The following CTDSP1 variants were observed in gnomAD, a reference collection of about 807,000 sequenced individuals.
CTDSP1 encodes carboxy-terminal domain RNA polymerase II polypeptide A small phosphatase 1.
CTDSP1 carries 15 observed loss-of-function variants against 32.5 expected under a neutral mutation model. The ratio of observed to expected loss-of-function variants is 0.46; its 90% confidence interval spans 0.31 to 0.71. The LOEUF is 0.71. CTDSP1 is among the 30% of genes least tolerant of loss of function. The pLI, the probability that CTDSP1 is intolerant of heterozygous loss-of-function variation, is 0.05. For missense variants in CTDSP1, 294 were observed against 351.1 expected (o/e 0.84, Z 1.30); for synonymous variants, 185 against 145.4 (o/e 1.27, Z -1.96).
In CTDSP1 at chr2:218,402,435, T is replaced by A. The variant is rs1463280617; in HGVS notation, c.378+30T>A. On this transcript the variant is annotated intron_variant, in intron 4 of 6. Transcript: ENST00000273062. ...GGGCCAGGAAGAGGCAGTGGTGGGCTTGGCATCTGCCTCCAGACCCTAGGC... is the reference window on the plus strand; with the variant it reads ...GGGCCAGGAAGAGGCAGTGGTGGGCATGGCATCTGCCTCCAGACCCTAGGC... The A allele has an allele frequency of 4.4e-6, 7 of 1,593,866 alleles. 1 individual carries two copies. Among genetic ancestry groups the A allele is most frequent in the Admixed American group, 3.4e-5 (2 of 58,906 alleles).
At chr2:218,399,854 T>A, upstream of CTDSP1, 7 of 1,230,534 alleles carry the variant, frequency 5.7e-6, no homozygotes, top group East Asian at 3.3e-5. Flanking sequence ...AAACGGCGCC[T>A]GGGTTCCATG....
chr2:218,401,427 C>A (rs1318490478), intron 1 of CTDSP1, 137 bp from the exon 2 acceptor site: 24 of 964,132 alleles, frequency 2.5e-5, no homozygotes, highest in Non-Finnish European at 3.7e-5. Context: ...CAGAGAAAGT[C>A]AGGAGCTGCC....
chr2:218,402,326 C>A, intron 3 of CTDSP1, 23 bp from the exon 4 acceptor site: 10 of 1,614,032 alleles, frequency 6.2e-6, no homozygotes, highest in Non-Finnish European at 8.5e-6. Context: ...CCTCCAACTC[C>A]AGCAGCTCTT....
In CTDSP1 at chr2:218,401,603, G is replaced by C; in HGVS notation, c.107G>C (p.Arg36Pro). ...KSAASQKPRS[R>P]GILHSLFCCV... ...GCAGCTTCCCAGAAGCCCCGAAGCC[G>C]GGGCATCCTCCACTCACTCTTCTGC... The change falls in exon 2 of 7, where the codon CGG becomes CCG. Residue 36 changes from arginine (R) to proline (P), a missense_variant. Physicochemically the swap from Arg to Pro is moderately radical, Grantham distance 103 (BLOSUM62 -2). Around this residue, in one of 2 missense-constraint regions of CTDSP1, gnomAD observed 148 missense variants for 113.3 expected, o/e 1.31. Transcript: ENST00000273062. The C allele has an allele frequency of 6.2e-7, 1 of 1,613,930 alleles. No individual in the cohort carries two copies. The highest frequency in any genetic ancestry group is 8.5e-7 in the Non-Finnish European group (1 of 1,179,928).
upstream of CTDSP1, among the ~76,000 whole-genome samples, chr2:218,397,672 A>C (rs1574788545): frequency 6.6e-6 from 1 of 152,132 alleles, no homozygotes; most frequent in South Asian, 2.1e-4. Flanking sequence ...CAAAAAATAG[A>C]GTGCATAAAG....
chr2:218,401,443 G>A, intron 1 of CTDSP1, 121 bp from the exon 2 acceptor site: 1 of 1,145,870 alleles, frequency 8.7e-7, no homozygotes, highest in South Asian at 1.5e-5. Flanking sequence ...CTGCCTTCGT[G>A]TGTCTGGATG....
rs754998014 is a variant in CTDSP1 at position 218,403,015 on chromosome 2, CT to C, written c.379-19del. ...CACTGCCCCACTGGCCCGCAGCCCC[CT>C]CACTGGCCCGCCCCCCAGGTCTACG... On this transcript the variant is annotated intron_variant, in intron 4 of 6. Transcript: ENST00000273062. The C allele has an allele frequency of 1.2e-6, 2 of 1,607,240 alleles. No homozygotes were observed. Among genetic ancestry groups the C allele is most frequent in the African/African-American group, 1.3e-5 (1 of 74,988 alleles).
intron 4 of CTDSP1, chr2:218,402,610 G>C (rs1254302959): frequency 5.3e-6 from 4 of 756,520 alleles, no homozygotes; most frequent in Non-Finnish European, 9.8e-6. Flanking sequence ...TCCTCCTCTA[G>C]GCTCCCCCGT....
chr2:218,401,475 C>T (rs951104639), intron 1 of CTDSP1, 89 bp from the exon 2 acceptor site: 9 of 1,474,444 alleles, frequency 6.1e-6, no homozygotes, highest in Non-Finnish European at 8.3e-6. Context: ...GCAAGATCCT[C>T]CTGGCTCAGG....
chr2:218,403,212 G>C lies in CTDSP1; in HGVS notation c.472-20G>C. 3 of 1,611,446 alleles carry C rather than the reference G, an allele frequency of 1.9e-6. No individual in the cohort carries two copies. Among genetic ancestry groups the C allele is most frequent in the South Asian group, 1.1e-5 (1 of 90,922 alleles). ...CCAATGAACCTGCGGGCCCCAGGAT[G>C]ACCCACCTCCTGCTCCCAGTACGCA... On this transcript the variant is annotated intron_variant, in intron 5 of 6. Coordinates refer to ENST00000273062, the MANE Select transcript of CTDSP1 (RefSeq NM_021198.3).
At chr2:218,401,777 G>A in intron 2 of CTDSP1, 65 bp downstream of exon 2, 1 of 1,434,976 alleles carries the variant, frequency 7.0e-7, no homozygotes, top group Non-Finnish European at 9.3e-7. Context: ...TTAGGGGAAG[G>A]GGCTCCTGAC....
intron 6 of CTDSP1, 134 bp from the exon 7 acceptor site, chr2:218,404,162 CA>C: frequency 9.5e-7 from 1 of 1,056,344 alleles, no homozygotes; most frequent in Admixed American, 2.3e-5. Flanking sequence ...GGATTGCTGT[CA>C]AAAAAGTTTG....
At chr2:218,401,198 C>G (rs895255514) in intron 1 of CTDSP1, 4 of 372,786 alleles carry the variant, frequency 1.1e-5, no homozygotes, top group African/African-American at 6.3e-5. Flanking sequence ...CCTGGCTGTC[C>G]TGAGCAGGGG....
Position 218,399,921 on chromosome 2 carries a change from C to T in CTDSP1, c.-170C>T, listed in dbSNP as rs1292308221. On this transcript the variant is annotated 5_prime_UTR_variant, in exon 1 of 7. Transcript: ENST00000273062. ...TGTTGTAACAAAGTTTCCTCCGCGCCCCCTCCCTCCCCCTCCCCCCTAGAA... is the reference window on the plus strand; with the variant it reads ...TGTTGTAACAAAGTTTCCTCCGCGCTCCCTCCCTCCCCCTCCCCCCTAGAA... 7.3e-6 allele frequency: 9 copies of T among 1,234,174 alleles called. No individual in the cohort carries two copies. The highest frequency in any genetic ancestry group is 6.3e-5 in the African/African-American group (4 of 63,058). The allele number at this position is 1,234,174 out of a possible 1,614,324, so 76.5% of individuals were successfully genotyped here. A position where few individuals can be genotyped will look rare whatever the true frequency, so the allele number is the denominator to read the frequency against.
At chr2:218,398,223 C>T (rs1334610712), upstream of CTDSP1, 1 of 591,976 alleles carries the variant, frequency 1.7e-6, no homozygotes, top group Admixed American at 2.8e-5. Context: ...CGCTCCCAGG[C>T]TGGAATCCCG....
rs1697033392 is a variant in CTDSP1, at chr2:218,400,081, G to T, written c.-10G>T. ...CCAGAGTCCGGCCGGAGCGGAGCGCGCCCGGCCCCATGGACAGCTCGGCCG... is the reference window on the plus strand; with the variant it reads ...CCAGAGTCCGGCCGGAGCGGAGCGCTCCCGGCCCCATGGACAGCTCGGCCG... On this transcript the variant is annotated 5_prime_UTR_variant, in exon 1 of 7. Transcript: ENST00000273062. 6.9e-7 allele frequency: 1 copy of T among 1,455,206 alleles called. No individual in the cohort carries two copies. The highest frequency in any genetic ancestry group is 9.1e-7 in the Non-Finnish European group (1 of 1,103,170). The allele number at this position is 1,455,206 out of a possible 1,614,324, so 90.1% of individuals were successfully genotyped here. A position where few individuals can be genotyped will look rare whatever the true frequency, so the allele number is the denominator to read the frequency against.
intron 1 of CTDSP1, chr2:218,400,407 GGGA>G: frequency 2.1e-6 from 1 of 471,540 alleles, no homozygotes; most frequent in Non-Finnish European, 3.6e-6. Flanking sequence ...GGAATAGAGA[GGGA>G]ACTCTTCGGG....
chr2:218,401,316 C>G (rs1388843200), intron 1 of CTDSP1: 2 of 559,692 alleles, frequency 3.6e-6, no homozygotes, highest in Non-Finnish European at 6.4e-6. Context: ...CTTCTCCAGG[C>G]CACGCACTCC....
chr2:218,398,158 G>A (rs1229241180), upstream of CTDSP1: 23 of 528,614 alleles, frequency 4.4e-5, no homozygotes, highest in South Asian at 4.5e-4. Context: ...CCCGCATCCG[G>A]AGATAAAGCC....
Sources: allele counts gnomAD v4.1 joint callset (sites outside exome capture counted in the v4.1 genomes callset), GRCh38; gene constraint gnomAD v4.1.1; regional missense constraint gnomAD v4.1.1; transcripts MANE v1.5; gene names NCBI Gene and HGNC (gene_info 2026-07-23, HGNC 2026-07-21).